The following STAC variants were observed in gnomAD, a reference collection of about 807,000 sequenced individuals.
The protein encoded by STAC is SH3 and cysteine rich domain, also known as SH3 and cysteine-rich domain-containing protein.
In STAC, 43 loss-of-function variants were observed where a neutral mutation model predicts 48.8. That is an observed-to-expected ratio of 0.88 (90% CI 0.69 to 1.14). STAC has a LOEUF of 1.14. Ranked by LOEUF, STAC falls within the 50% of genes most tolerant of loss-of-function variation. The pLI is 0.00. For synonymous variants in STAC, 193 were observed against 179.5 expected, an observed-to-expected ratio of 1.07 and a Z score of -0.60; for missense variants, 497 against 504.0, an observed-to-expected ratio of 0.99 and a Z score of 0.13.
At chr3:36,502,325 T>C (rs1698300444) in intron 6 of STAC, among the ~76,000 whole-genome samples, 1 of 152,188 alleles carries the variant, frequency 6.6e-6, no homozygotes, top group African/African-American at 2.4e-5. Flanking sequence ...TTTTCGGTAG[T>C]TACCTTTCTT....
At chr3:36,402,271 A>G (rs1425431714) in intron 1 of STAC, among the ~76,000 whole-genome samples, 1 of 152,170 alleles carries the variant, frequency 6.6e-6, no homozygotes, top group Admixed American at 6.5e-5. Context: ...GATAATAATA[A>G]AAGTAGAAAC....
At chr3:36,414,721 T>A (rs938741165) in intron 1 of STAC, among the ~76,000 whole-genome samples, 3 of 152,240 alleles carry the variant, frequency 2.0e-5, no homozygotes, top group African/African-American at 7.2e-5. Flanking sequence ...AGGAGCTGCG[T>A]TCCTTTGGAG....
At chr3:36,514,592 C>T (rs1463123000) in intron 8 of STAC, among the ~76,000 whole-genome samples, 2 of 152,138 alleles carry the variant, frequency 1.3e-5, no homozygotes, top group African/African-American at 2.4e-5. Flanking sequence ...ACCCTCATAT[C>T]CCTAGAGCAT....
chr3:36,457,173 T>G (rs1368306854), intron 2 of STAC, among the ~76,000 whole-genome samples: 1 of 152,186 alleles, frequency 6.6e-6, no homozygotes, highest in Non-Finnish European at 1.5e-5. Flanking sequence ...CCACAGGTGA[T>G]CATCAGCAAA....
At chr3:36,534,266 G>T (rs1230798019) in intron 10 of STAC, among the ~76,000 whole-genome samples, 1 of 152,112 alleles carries the variant, frequency 6.6e-6, no homozygotes, top group African/African-American at 2.4e-5. Context: ...AGTTAAATGT[G>T]CTCACCTATA....
intron 8 of STAC, among the ~76,000 whole-genome samples, chr3:36,519,365 T>C (rs1009066533): frequency 6.6e-6 from 1 of 152,206 alleles, no homozygotes; most frequent in Non-Finnish European, 1.5e-5. Context: ...TTTCTCTTTC[T>C]GGAGGTGAGG....
At chr3:36,388,204 A>G (rs17034994) in intron 1 of STAC, among the ~76,000 whole-genome samples, 15,688 of 152,146 alleles carry the variant, frequency 0.1, 939 homozygotes, top group East Asian at 0.24. Flanking sequence ...GCAAATTTGA[A>G]TGATGCAGAA....
At chr3:36,480,733 G>C (rs1697620872) in intron 2 of STAC, among the ~76,000 whole-genome samples, 1 of 152,152 alleles carries the variant, frequency 6.6e-6, no homozygotes, top group Non-Finnish European at 1.5e-5. Context: ...CCCCCTTTCA[G>C]CTCTTGAATA....
intron 1 of STAC, among the ~76,000 whole-genome samples, chr3:36,442,739 TAC>T (rs10528748): frequency 0.014 from 1,898 of 133,120 alleles, 19 homozygotes; most frequent in East Asian, 0.064. Context: ...TCCTATGTCC[TAC>T]ACACACACAC....
rs1262363072 is a variant in STAC, at chr3:36,453,632, GC to G, written c.388+9997del. Among the ~76,000 whole-genome samples the G allele has an allele frequency of 1.7e-4, 5 of 29,408 alleles. 2 individuals carry two copies. Among genetic ancestry groups the G allele is most frequent in the African/African-American group, 5.1e-4 (5 of 9,764 alleles). 19.3% of individuals were successfully genotyped at this position (29,408 alleles called of 152,430 possible). Reference sequence around the variant, plus strand: ...GGCTGGAGCCTCCCTGACGAGCGCCGCCCCCTGCTCCACGGCGCCCAATCCC... The same window carrying G: ...GGCTGGAGCCTCCCTGACGAGCGCCGCCCCTGCTCCACGGCGCCCAATCCC... On this transcript the variant is annotated intron_variant, in intron 2 of 10. Transcript: ENST00000273183.
chr3:36,426,481 G>A (rs1012467221), intron 1 of STAC, among the ~76,000 whole-genome samples: 10 of 152,218 alleles, frequency 6.6e-5, no homozygotes, highest in Non-Finnish European at 1.3e-4. Context: ...GTATACTGCA[G>A]TGGTTTGAAA....
chr3:36,461,589 A>T (rs1178861175), intron 2 of STAC, among the ~76,000 whole-genome samples: 2 of 152,202 alleles, frequency 1.3e-5, no homozygotes, highest in African/African-American at 4.8e-5. Context: ...GGAAAGAAGG[A>T]AAATGTAAAA....
chr3:36,524,550 C>T (rs956904508), intron 8 of STAC, among the ~76,000 whole-genome samples: 2 of 151,936 alleles, frequency 1.3e-5, no homozygotes, highest in African/African-American at 4.8e-5. Context: ...TGAGATAGCA[C>T]CACTGCACTC....
chr3:36,437,856 A>T (rs1696192329), intron 1 of STAC, among the ~76,000 whole-genome samples: 1 of 151,102 alleles, frequency 6.6e-6, no homozygotes, highest in African/African-American at 2.4e-5. Context: ...GAAGGTTTTA[A>T]TCCTCTTTTT....
At chr3:36,430,101 C>T (rs1700663897) in intron 1 of STAC, among the ~76,000 whole-genome samples, 2 of 152,152 alleles carry the variant, frequency 1.3e-5, no homozygotes, top group South Asian at 4.2e-4. Context: ...TCATTTTCTT[C>T]CCACTAAATT....
intron 2 of STAC, among the ~76,000 whole-genome samples, chr3:36,480,126 C>T (rs1326030934): frequency 6.6e-6 from 1 of 152,136 alleles, no homozygotes; most frequent in African/African-American, 2.4e-5. Context: ...GTCCAGCACA[C>T]AATGAAATAA....
At chr3:36,483,535 G>A (rs1270210347) in intron 3 of STAC, among the ~76,000 whole-genome samples, 8 of 152,138 alleles carry the variant, frequency 5.3e-5, no homozygotes. Context: ...AGAGGAGAGA[G>A]TAATAAATAT....
chr3:36,447,491 G>A (rs377408529), intron 2 of STAC, among the ~76,000 whole-genome samples: 4 of 152,084 alleles, frequency 2.6e-5, no homozygotes, highest in East Asian at 1.9e-4. Flanking sequence ...TATATCATGA[G>A]AAAATACTAC....
At chr3:36,492,016 A>G in intron 5 of STAC, among the ~76,000 whole-genome samples, 1 of 33,166 alleles carries the variant, frequency 3.0e-5, no homozygotes, top group Non-Finnish European at 6.4e-5. Flanking sequence ...AAAAAAAAAA[A>G]AAAAAAAAAA....
Sources: allele counts gnomAD v4.1 joint callset (sites outside exome capture counted in the v4.1 genomes callset), GRCh38; gene constraint gnomAD v4.1.1; transcripts MANE v1.5; gene names NCBI Gene and HGNC (gene_info 2026-07-23, HGNC 2026-07-21).